CTRC: variants seen among roughly 807,000 people sequenced by gnomAD.
CTRC encodes the protein chymotrypsin-C.
Under a neutral mutation model 35.7 loss-of-function variants are expected in CTRC, and 32 were observed. The ratio of observed to expected loss-of-function variants is 0.90; its 90% CI spans 0.68 to 1.20. The LOEUF (loss-of-function observed/expected upper bound fraction) is 1.20. Ranked by LOEUF, CTRC falls within the 50% of genes most tolerant of loss-of-function variation. The probability of loss-of-function intolerance (pLI) is 0.00; values close to 1 mark genes in which losing one functional copy is unlikely to be tolerated. For synonymous variants in CTRC, 119 were observed against 149.5 expected (o/e 0.80, Z 1.49); for missense variants, 324 against 361.5 (o/e 0.90, Z 0.84).
intron 3 of CTRC, among the ~76,000 whole-genome samples, chr1:15,441,823 G>A (rs192423155): frequency 1.3e-5 from 2 of 151,498 alleles, no homozygotes; most frequent in African/African-American, 4.8e-5. Flanking sequence ...ATAAGCACAC[G>A]CCACCACGCA....
intron 6 of CTRC, among the ~76,000 whole-genome samples, chr1:15,445,204 A>G (rs976744213): frequency 1.1e-4 from 17 of 152,128 alleles, no homozygotes; most frequent in African/African-American, 3.6e-4. Context: ...TTTCAAACAC[A>G]CAACCCTCTC....
Position 15,440,482 on chromosome 1 carries a change from C to T in CTRC, c.133-11C>T. On this transcript the variant is annotated splice_polypyrimidine_tract_variant and intron_variant, in intron 2 of 7. Transcript: ENST00000375949. ...GCAGGCTGACACACAGCCCTCCCCA[C>T]CCTCCTGCAGATCTCCCTCCAGTAC... 6.2e-7 allele frequency: 1 copy of T among 1,613,916 alleles called. No homozygotes were observed. The highest frequency in any genetic ancestry group is 8.5e-7 in the Non-Finnish European group (1 of 1,179,790).
In CTRC at chr1:15,448,179, T is replaced by G. The variant is rs996266219; in HGVS notation, c.*1590T>G. 1.5e-4 allele frequency: 22 copies of G among 148,614 alleles called. No individual in the cohort carries two copies. The highest frequency in any genetic ancestry group is 5.2e-4 in the African/African-American group (21 of 40,242). 9.2% of individuals were successfully genotyped at this position (148,614 alleles called of 1,614,324 possible). ...TCCCACCTATCCTCTTCTTTTTTTT[T>G]TTTTTTTTTTTGAGACGGAGTCTTG... On this transcript the variant is annotated 3_prime_UTR_variant, in exon 8 of 8. Transcript: ENST00000375949.
intron 1 of CTRC, 70 bp from the exon 2 acceptor site, chr1:15,440,230 A>ACCCC: frequency 3.5e-6 from 1 of 282,778 alleles, no homozygotes. Flanking sequence ...CCACCTGCCC[A>ACCCC]CCCTCCCACC....
At position 15,440,315 on chromosome 1, in the gene CTRC, T is replaced by TG. The variant is rs761774161; in HGVS notation, c.57dup (p.Pro20AlafsTer47). On this transcript the variant is annotated frameshift_variant, in exon 2 of 8. Transcript: ENST00000375949. LOFTEE classifies it high-confidence loss of function. ...GTCTCCCCAGCCTCCAGCTGTGGGG[T>TG]GCCCAGCTTCCCGCCCAACCTATCC... 1.5e-6 allele frequency: 2 copies of TG among 1,357,640 alleles called. No homozygotes were observed. The highest frequency in any genetic ancestry group is 1.9e-6 in the Non-Finnish European group (2 of 1,028,102). 84.1% of individuals were successfully genotyped at this position (1,357,640 alleles called of 1,614,324 possible). A position where few individuals can be genotyped will look rare whatever the true frequency, so the allele number is the denominator to read the frequency against.
intron 6 of CTRC, 96 bp downstream of exon 6, chr1:15,444,847 G>A (rs1708192583): frequency 1.3e-6 from 2 of 1,517,404 alleles, no homozygotes; most frequent in South Asian, 2.3e-5. Flanking sequence ...CTCCTGGGAG[G>A]AGACTGAGCG....
intron 3 of CTRC, among the ~76,000 whole-genome samples, chr1:15,440,913 C>T (rs924279888): frequency 3.3e-5 from 5 of 152,228 alleles, no homozygotes; most frequent in African/African-American, 1.2e-4. Flanking sequence ...GGAGCAGTGG[C>T]TCACGCCTGT....
chr1:15,440,017 C>T (rs180911204), intron 1 of CTRC, among the ~76,000 whole-genome samples: 22 of 152,338 alleles, frequency 1.4e-4, no homozygotes, highest in African/African-American at 4.8e-4. Flanking sequence ...GCTGGGATTA[C>T]AGGTGTGAGC....
chr1:15,439,075 G>A (rs573943367), intron 1 of CTRC, among the ~76,000 whole-genome samples: 8 of 152,226 alleles, frequency 5.3e-5, no homozygotes, highest in Admixed American at 3.9e-4. Context: ...TGTGCCAGAC[G>A]CTATGCTAGG....
At position 15,446,925 on chromosome 1, in the gene CTRC, C is replaced by T. The variant is rs1708231130; in HGVS notation, c.*336C>T. ...GGACGCATCAGACACCTTCCCCGCT[C>T]CATCTCACAAGCTGCGAACAGGTGA... On this transcript the variant is annotated 3_prime_UTR_variant, in exon 8 of 8. Coordinates refer to ENST00000375949, the MANE Select transcript of CTRC (RefSeq NM_007272.3). 1 of 456,256 alleles carries T rather than the reference C, an allele frequency of 2.2e-6. No individual in the cohort carries two copies. Among genetic ancestry groups the T allele is most frequent in the Admixed American group, 3.4e-5 (1 of 29,420 alleles). 28.3% of individuals were successfully genotyped at this position (456,256 alleles called of 1,614,324 possible).
In CTRC at chr1:15,448,917, T is replaced by C. The variant is rs1236360432; in HGVS notation, c.*2328T>C. On this transcript the variant is annotated 3_prime_UTR_variant, in exon 8 of 8. Coordinates refer to ENST00000375949, the MANE Select transcript of CTRC (RefSeq NM_007272.3). ...AATGTTAATTAATATTACAATGTTATTTAAGCAATGTTAAATAATATCTAA... is the reference window on the plus strand; with the variant it reads ...AATGTTAATTAATATTACAATGTTACTTAAGCAATGTTAAATAATATCTAA... 6.6e-6 allele frequency: 1 copy of C among 152,230 alleles called. No homozygotes were observed. The highest frequency in any genetic ancestry group is 1.9e-4 in the East Asian group (1 of 5,202). The allele number at this position is 152,230 out of a possible 1,614,324, so 9.4% of individuals were successfully genotyped here. A position where few individuals can be genotyped will look rare whatever the true frequency, so the allele number is the denominator to read the frequency against.
chr1:15,440,541 G>C lies in CTRC; in HGVS notation c.181G>C (p.Gly61Arg). The C allele has an allele frequency of 3.7e-6, 6 of 1,614,170 alleles. No individual in the cohort carries two copies. The highest frequency in any genetic ancestry group is 5.1e-6 in the Non-Finnish European group (6 of 1,180,018). ...KNDTWRHTCG[G>R]TLIASNFVLT... ...CGACACGTGGAGGCATACGTGTGGC[G>C]GGACTTTGATTGCTAGCAACTTCGT... Residue 61 changes from glycine (G) to arginine (R), a missense_variant, in exon 3 of 8, where the codon GGG (glycine) becomes CGG (arginine). Coordinates refer to ENST00000375949, the MANE Select transcript of CTRC (RefSeq NM_007272.3).
chr1:15,442,637 G>A lies in CTRC; in HGVS notation c.356+65G>A, dbSNP rs753915411. The A allele has an allele frequency of 2.1e-5, 34 of 1,606,720 alleles. No individual in the cohort carries two copies. In the African/African-American group the frequency reaches 2.4e-4, roughly 11 times the overall value. On this transcript the variant is annotated intron_variant, in intron 4 of 7. Transcript: ENST00000375949. ...GTGTGGAAGGAGGGGTCCCCAAGAC[G>A]GAGCCGCAGAGCCTGTCGCACCCCA... is the stretch of plus-strand genomic sequence containing the variant.
chr1:15,444,978 C>T (rs901647147), intron 6 of CTRC, among the ~76,000 whole-genome samples: 4 of 152,152 alleles, frequency 2.6e-5, no homozygotes, highest in Admixed American at 6.5e-5. Flanking sequence ...TTATGAGCTA[C>T]GTAAACTTGG....
intron 5 of CTRC, among the ~76,000 whole-genome samples, chr1:15,444,299 G>A (rs947673245): frequency 6.6e-6 from 1 of 152,082 alleles, no homozygotes; most frequent in African/African-American, 2.4e-5. Flanking sequence ...TCTTGGGGGT[G>A]AGAAAGGCTT....
chr1:15,443,426 A>G lies in CTRC; in HGVS notation c.364A>G (p.Ile122Val). 1 of 1,614,190 alleles carries G rather than the reference A, an allele frequency of 6.2e-7. No homozygotes were observed. The highest frequency in any genetic ancestry group is 1.1e-5 in the South Asian group (1 of 91,080). The change falls in exon 5 of 8, where the codon ATT becomes GTT. Residue 122 changes from isoleucine (I) to valine (V), a missense_variant. Coordinates refer to ENST00000375949, the MANE Select transcript of CTRC (RefSeq NM_007272.3). ...CTCCACTTTGGATTCCAGCAATGAT[A>G]TTGCCCTCATCAAGCTTGCAGAGCA... ...RWNALLLRND[I>V]ALIKLAEHVE...
chr1:15,440,721 T>C (rs1330854987), intron 3 of CTRC, 131 bp downstream of exon 3: 2 of 794,620 alleles, frequency 2.5e-6, no homozygotes, highest in Admixed American at 2.0e-5. Context: ...AGTAACTCAG[T>C]TGTGCATTTA....
At position 15,438,541 on chromosome 1, in the gene CTRC, G is replaced by A. The variant is rs188758070; in HGVS notation, c.40+37G>A. 3.7e-6 allele frequency: 6 copies of A among 1,613,158 alleles called. No homozygotes were observed. In the East Asian group the frequency reaches 1.3e-4, roughly 36 times the overall value. ...GGTGGGGCTGCAGCTAGCAGGCTGT[G>A]AGCTCGGGCTGGCCTCCAGGGCAAG... On this transcript the variant is annotated intron_variant, in intron 1 of 7. Transcript: ENST00000375949.
chr1:15,443,863 T>A (rs780870735), intron 5 of CTRC, among the ~76,000 whole-genome samples: 2 of 152,148 alleles, frequency 1.3e-5, no homozygotes, highest in Non-Finnish European at 2.9e-5. Context: ...ATCTGTGGTA[T>A]ACCGTATGCC....
Sources: gnomAD v4.1 joint callset for allele counts (sites outside exome capture counted in the v4.1 genomes callset) on GRCh38, gnomAD v4.1.1 for gene constraint, MANE v1.5 for transcripts, NCBI Gene and HGNC (gene_info 2026-07-23, HGNC 2026-07-21) for gene names.